SESN2: variants seen among roughly 807,000 people sequenced by gnomAD.
The protein encoded by SESN2 is sestrin 2.
In SESN2, 42 loss-of-function variants were observed where a neutral mutation model predicts 56.0. The ratio of observed to expected loss-of-function variants is 0.75; its 90% CI spans 0.59 to 0.97. The LOEUF (loss-of-function observed/expected upper bound fraction) is 0.97, where lower values mean the gene tolerates loss of function less well. Among genes scored for constraint, SESN2 ranks in the 50% least tolerant of loss-of-function variants. The pLI, the probability that SESN2 is intolerant of heterozygous loss-of-function variation, is 0.00. For synonymous variants in SESN2, 264 were observed against 267.1 expected, an observed-to-expected ratio of 0.99 and a Z score of 0.11; for missense variants, 507 against 649.4, an observed-to-expected ratio of 0.78 and a Z score of 2.38.
intron 8 of SESN2, among the ~76,000 whole-genome samples, chr1:28,278,294 C>T (rs544831426): frequency 4.4e-4 from 67 of 152,238 alleles, no homozygotes; most frequent in African/African-American, 1.5e-3. Flanking sequence ...CCTGTCCAGG[C>T]GTGGTGGCTC....
At chr1:28,261,631 C>T (rs1490481375) in intron 1 of SESN2, among the ~76,000 whole-genome samples, 1 of 152,154 alleles carries the variant, frequency 6.6e-6, no homozygotes, top group African/African-American at 2.4e-5. Flanking sequence ...GGTGCCTGAG[C>T]CTGTTCCTGA....
chr1:28,262,365 A>C (rs987930790), intron 1 of SESN2, among the ~76,000 whole-genome samples: 5 of 152,250 alleles, frequency 3.3e-5, no homozygotes, highest in African/African-American at 1.2e-4. Context: ...TTTCTCGGCC[A>C]GATGCAGTGG....
At chr1:28,268,391 C>T (rs528058962) in intron 1 of SESN2, among the ~76,000 whole-genome samples, 4 of 152,128 alleles carry the variant, frequency 2.6e-5, no homozygotes, top group African/African-American at 7.2e-5. Context: ...AGAGGCCAGG[C>T]GTGGTGGCTC....
At chr1:28,278,320 G>A (rs575286561) in intron 8 of SESN2, among the ~76,000 whole-genome samples, 5 of 152,276 alleles carry the variant, frequency 3.3e-5, no homozygotes, top group African/African-American at 1.2e-4. Context: ...TGTAATCCCA[G>A]CACTTTGGGA....
chr1:28,273,520 C>G lies in SESN2; in HGVS notation c.901+12C>G. 6.4e-7 allele frequency: 1 copy of G among 1,568,944 alleles called. No homozygotes were observed. The highest frequency in any genetic ancestry group is 8.6e-7 in the Non-Finnish European group (1 of 1,157,930). ...GGTGACCCCCTCAGGTACAGGGTCA[C>G]AGGCATCCAGGCTCCCGTGGCTGCT... On this transcript the variant is annotated intron_variant, in intron 6 of 9. Coordinates refer to ENST00000253063, the MANE Select transcript of SESN2 (RefSeq NM_031459.5).
Position 28,273,344 on chromosome 1 carries a change from G to A in SESN2, c.751-14G>A. The stretch of plus-strand genomic sequence containing the variant: ...GAGGAGGAGTAGCTGGTCACCACGG[G>A]GCCTCTCCTGCAGGGCTTTGAGTCT... On this transcript the variant is annotated splice_polypyrimidine_tract_variant and intron_variant, in intron 5 of 9. Transcript: ENST00000253063. 3 of 1,565,452 alleles carry A rather than the reference G, an allele frequency of 1.9e-6. No individual in the cohort carries two copies. The highest frequency in any genetic ancestry group is 2.6e-6 in the Non-Finnish European group (3 of 1,153,706).
intron 1 of SESN2, among the ~76,000 whole-genome samples, chr1:28,263,503 G>A (rs1342487974): frequency 1.3e-5 from 2 of 152,214 alleles, no homozygotes; most frequent in Non-Finnish European, 2.9e-5. Context: ...GTGAGGGAAG[G>A]AGAAATAGTG....
At chr1:28,279,666 C>T (rs1300194301) in intron 9 of SESN2, among the ~76,000 whole-genome samples, 1 of 151,872 alleles carries the variant, frequency 6.6e-6, no homozygotes, top group Admixed American at 6.6e-5. Context: ...CTGCCTCAGC[C>T]TCCTGAGTAG....
At chr1:28,280,268 AT>A (rs1648187789) in intron 9 of SESN2, among the ~76,000 whole-genome samples, 1 of 152,184 alleles carries the variant, frequency 6.6e-6, no homozygotes, top group Admixed American at 6.5e-5. Flanking sequence ...AAATAAAAAA[AT>A]GTACATAAAC....
At position 28,279,023 on chromosome 1, in the gene SESN2, A is replaced by C. The variant is rs904088358; in HGVS notation, c.1212-74A>C. 6.9e-6 allele frequency: 10 copies of C among 1,442,530 alleles called. No individual in the cohort carries two copies. In the African/African-American group the frequency reaches 1.1e-4, roughly 16 times the overall value. The allele number at this position is 1,442,530 out of a possible 1,614,324, so 89.4% of individuals were successfully genotyped here. ...CTCAACACTCTGTTCTTCCCTCTGT[A>C]GGGTGGGGTTGCGGGGAGGGAGCTG... On this transcript the variant is annotated intron_variant, in intron 8 of 9. Coordinates refer to ENST00000253063, the MANE Select transcript of SESN2 (RefSeq NM_031459.5).
In SESN2 at chr1:28,271,670, G is replaced by C. The variant is rs990355040; in HGVS notation, c.157-4G>C. On this transcript the variant is annotated splice_region_variant and splice_polypyrimidine_tract_variant and intron_variant, in intron 2 of 9. Transcript: ENST00000253063. ...CCCATGCTCTCCTCCCCTTTGGTTG[G>C]CAGGTCCTTCGGGAGGGGGCTGAGA... 1.6e-5 allele frequency: 26 copies of C among 1,613,656 alleles called. No homozygotes were observed. Among genetic ancestry groups the C allele is most frequent in the Non-Finnish European group, 2.1e-5 (25 of 1,179,656 alleles).
At position 28,280,895 on chromosome 1, in the gene SESN2, TC is replaced by T; in HGVS notation, c.*97del. 1.1e-6 allele frequency: 1 copy of T among 923,662 alleles called. No individual in the cohort carries two copies. The highest frequency in any genetic ancestry group is 1.7e-6 in the Non-Finnish European group (1 of 573,222). The allele number at this position is 923,662 out of a possible 1,614,324, so 57.2% of individuals were successfully genotyped here. A position where few individuals can be genotyped will look rare whatever the true frequency, so the allele number is the denominator to read the frequency against. ...ACCCTTTTGTGTCCCATGCCCACCCTCCCCACGCTGCAGTGGGCTTGTGTGT... is the reference window on the plus strand; with the variant it reads ...ACCCTTTTGTGTCCCATGCCCACCCTCCCACGCTGCAGTGGGCTTGTGTGT... On this transcript the variant is annotated 3_prime_UTR_variant, in exon 10 of 10. Coordinates refer to ENST00000253063, the MANE Select transcript of SESN2 (RefSeq NM_031459.5).
chr1:28,275,228 G>C (rs974185761), intron 8 of SESN2, among the ~76,000 whole-genome samples: 1 of 151,542 alleles, frequency 6.6e-6, no homozygotes, highest in Non-Finnish European at 1.5e-5. Context: ...GATAATTATT[G>C]TTTGATATTT....
At chr1:28,276,554 CCTGT>C (rs989950780) in intron 8 of SESN2, among the ~76,000 whole-genome samples, 5 of 149,332 alleles carry the variant, frequency 3.3e-5, no homozygotes, top group African/African-American at 1.2e-4. Context: ...TTATCTCCTT[CCTGT>C]CTTTTTCTTT....
At position 28,272,646 on chromosome 1, in the gene SESN2, C is replaced by T. The variant is rs757761102; in HGVS notation, c.603C>T (p.Leu201=). ...LAELIQALVL[L]THCHSLSSFV... ...AGCTCATTCAGGCTCTGGTCCTGCT[C>T]ACCCACTGCCACTCGCTCTCCTCCT... Residue 201 remains leucine (L), a synonymous_variant, in exon 5 of 10, where the codon CTC becomes CTT. Transcript: ENST00000253063. 1.2e-6 allele frequency: 2 copies of T among 1,614,144 alleles called. No individual in the cohort carries two copies. The highest frequency in any genetic ancestry group is 1.7e-6 in the Non-Finnish European group (2 of 1,180,026).
intron 9 of SESN2, among the ~76,000 whole-genome samples, chr1:28,279,686 C>T (rs577103366): frequency 1.2e-3 from 176 of 151,816 alleles, no homozygotes; most frequent in Non-Finnish European, 2.0e-3. Context: ...GCTGGGACTA[C>T]AGGCGTGTGC....
intron 1 of SESN2, among the ~76,000 whole-genome samples, chr1:28,260,360 C>T (rs1647331533): frequency 6.6e-6 from 1 of 152,158 alleles, no homozygotes; most frequent in African/African-American, 2.4e-5. Context: ...GGAGTCCCTT[C>T]CTCTTCGCGG....
chr1:28,259,946 CG>C lies in SESN2; in HGVS notation c.90+11del, dbSNP rs1226411687. The C allele has an allele frequency of 1.3e-6, 2 of 1,495,562 alleles. No individual in the cohort carries two copies. The highest frequency in any genetic ancestry group is 1.8e-6 in the Non-Finnish European group (2 of 1,128,350). 92.6% of individuals were successfully genotyped at this position (1,495,562 alleles called of 1,614,324 possible). On this transcript the variant is annotated intron_variant, in intron 1 of 9. Transcript: ENST00000253063. ...ACTCGGGCCCCGGAGAGGTAAGCGGCGGCCGCGCGACGCCCCTCTTCCCTGG... is the reference window on the plus strand; with the variant it reads ...ACTCGGGCCCCGGAGAGGTAAGCGGCGCCGCGCGACGCCCCTCTTCCCTGG...
At chr1:28,260,612 G>T (rs1049946811) in intron 1 of SESN2, among the ~76,000 whole-genome samples, 14 of 152,216 alleles carry the variant, frequency 9.2e-5, no homozygotes, top group Non-Finnish European at 1.5e-4. Flanking sequence ...CCAAGCGCGG[G>T]TTAGGCTGCG....
Sources: allele counts gnomAD v4.1 joint callset (sites outside exome capture counted in the v4.1 genomes callset), GRCh38; gene constraint gnomAD v4.1.1; transcripts MANE v1.5; gene names NCBI Gene and HGNC (gene_info 2026-07-23, HGNC 2026-07-21).